The following ABCA13 variants were observed in gnomAD, a reference collection of about 807,000 sequenced individuals.
ABCA13 encodes the protein ATP binding cassette subfamily A member 13, also known as ATP-binding cassette sub-family A member 13.
Under a neutral mutation model 478.7 loss-of-function variants are expected in ABCA13, and 476 were observed. The ratio of observed to expected loss-of-function variants is 0.99; its 90% confidence interval spans 0.92 to 1.07. ABCA13 has a LOEUF of 1.07. Ranked by LOEUF, ABCA13 falls within the 50% of genes least tolerant of loss-of-function variation. The pLI, the probability that ABCA13 is intolerant of heterozygous loss-of-function variation, is 0.00. For synonymous variants in ABCA13, 2,252 were observed against 2,158.9 expected, an observed-to-expected ratio of 1.04 and a Z score of -1.20; for missense variants, 6,060 against 5,910.6, an observed-to-expected ratio of 1.03 and a Z score of -0.83.
chr7:48,578,216 C>T (rs929485003), intron 55 of ABCA13, among the ~76,000 whole-genome samples: 6 of 152,026 alleles, frequency 3.9e-5, no homozygotes, highest in Non-Finnish European at 7.4e-5. Context: ...AGCAGTCCTA[C>T]GTAATGCAAT....
At chr7:48,179,631 G>C (rs1795380666) in intron 1 of ABCA13, among the ~76,000 whole-genome samples, 1 of 152,196 alleles carries the variant, frequency 6.6e-6, no homozygotes, top group Admixed American at 6.5e-5. Flanking sequence ...GAGGGAAGCA[G>C]CCAGGAGGCA....
intron 56 of ABCA13, among the ~76,000 whole-genome samples, chr7:48,583,447 C>A (rs1237683923): frequency 6.6e-6 from 1 of 152,124 alleles, no homozygotes; most frequent in Non-Finnish European, 1.5e-5. Context: ...AACACTTTGG[C>A]TTTGGAGTCT....
intron 35 of ABCA13, among the ~76,000 whole-genome samples, chr7:48,378,919 C>T (rs751025438): frequency 6.6e-6 from 1 of 152,208 alleles, no homozygotes; most frequent in Non-Finnish European, 1.5e-5. Flanking sequence ...AGTAGGACCT[C>T]AATCCACCTT....
At chr7:48,548,174 A>C (rs895389323) in intron 55 of ABCA13, among the ~76,000 whole-genome samples, 3 of 151,894 alleles carry the variant, frequency 2.0e-5, no homozygotes, top group African/African-American at 7.2e-5. Flanking sequence ...GTTAGTTTTC[A>C]CTGGAAAATA....
intron 50 of ABCA13, among the ~76,000 whole-genome samples, 157 bp downstream of exon 50, chr7:48,508,206 T>G (rs983229495): frequency 1.3e-5 from 2 of 152,164 alleles, no homozygotes; most frequent in African/African-American, 4.8e-5. Flanking sequence ...TTAAGTCACC[T>G]TTACTGATCA....
intron 34 of ABCA13, among the ~76,000 whole-genome samples, chr7:48,375,132 T>C (rs1813257263): frequency 6.6e-6 from 1 of 152,220 alleles, no homozygotes; most frequent in Admixed American, 6.5e-5. Context: ...TATTTTATTA[T>C]ATATTACAAT....
intron 52 of ABCA13, 76 bp downstream of exon 52, chr7:48,516,957 G>C (rs1434849881): frequency 3.4e-6 from 5 of 1,470,560 alleles, no homozygotes; most frequent in African/African-American, 1.4e-5. Context: ...TGCCTCTTTT[G>C]TTGCTTTTCT....
At chr7:48,432,588 G>T (rs56745635) in intron 42 of ABCA13, among the ~76,000 whole-genome samples, 12,067 of 152,038 alleles carry the variant, frequency 0.079, 704 homozygotes, top group African/African-American at 0.16. Context: ...ATCAACAGAT[G>T]AATGGATAAA....
At chr7:48,342,195 G>A (rs777696097) in intron 29 of ABCA13, among the ~76,000 whole-genome samples, 2 of 151,592 alleles carry the variant, frequency 1.3e-5, no homozygotes, top group Non-Finnish European at 2.9e-5. Flanking sequence ...AATGTACTTC[G>A]CTAATACGAT....
At chr7:48,224,078 T>C (rs1351293184) in intron 5 of ABCA13, among the ~76,000 whole-genome samples, 1 of 152,010 alleles carries the variant, frequency 6.6e-6, no homozygotes, top group Non-Finnish European at 1.5e-5. Flanking sequence ...TGGAAGCTGC[T>C]GGGCATTGCA....
Position 48,275,268 on chromosome 7 carries a change from G to A in ABCA13, c.5602G>A (p.Gly1868Ser). Residue 1868 changes from glycine (G) to serine (S), a missense_variant, in exon 17 of 62, where the codon GGT becomes AGT. Coordinates refer to ENST00000435803, the MANE Select transcript of ABCA13 (RefSeq NM_152701.5). ...ILDHFHLSPQGEDSPCSNESS... is the reference protein window; with the variant it reads ...ILDHFHLSPQSEDSPCSNESS... ...TGATCATTTCCACCTGTCTCCCCAA[G>A]GTGAAGATTCACCATGTTCAAATGA... 1.9e-6 allele frequency: 3 copies of A among 1,613,776 alleles called. No individual in the cohort carries two copies. The highest frequency in any genetic ancestry group is 2.5e-6 in the Non-Finnish European group (3 of 1,179,844).
rs752511939 is a variant in ABCA13, at chr7:48,412,574, C to T, written c.12450C>T (p.Thr4150=). Reference sequence around the variant, plus strand: ...CGGGCTATGGGATCTCAGACACCACCTTAGAAGAGGTACTGAGAAAACTGA... The same window carrying T: ...CGGGCTATGGGATCTCAGACACCACTTTAGAAGAGGTACTGAGAAAACTGA... ...HLTGYGISDT[T]LEEVFLMLLQ... is the part of the protein sequence containing the mutation. The change falls in exon 41 of 62, where the codon ACC becomes ACT. Residue 4150 remains threonine (T), a synonymous_variant. Coordinates refer to ENST00000435803, the MANE Select transcript of ABCA13 (RefSeq NM_152701.5). 6.2e-7 allele frequency: 1 copy of T among 1,603,882 alleles called. No individual in the cohort carries two copies. The highest frequency in any genetic ancestry group is 8.5e-7 in the Non-Finnish European group (1 of 1,175,030).
At chr7:48,564,650 G>A (rs746261300) in intron 55 of ABCA13, among the ~76,000 whole-genome samples, 3 of 151,380 alleles carry the variant, frequency 2.0e-5, no homozygotes, top group Admixed American at 6.6e-5. Context: ...TAAAGTTTTG[G>A]TATTTCTTTA....
intron 47 of ABCA13, among the ~76,000 whole-genome samples, chr7:48,485,445 G>GAGAAAA (rs1268924996): frequency 2.0e-5 from 3 of 151,728 alleles, no homozygotes; most frequent in Non-Finnish European, 4.4e-5. Flanking sequence ...CCATTCTTGG[G>GAGAAAA]AGAAAAAGAA....
intron 1 of ABCA13, among the ~76,000 whole-genome samples, chr7:48,187,017 G>A (rs919815334): frequency 1.5e-5 from 2 of 135,354 alleles, no homozygotes; most frequent in African/African-American, 5.3e-5. Context: ...ATATGTGTGT[G>A]TGTATATATA....
intron 3 of ABCA13, 39 bp from the exon 4 acceptor site, chr7:48,219,315 G>T: frequency 1.3e-6 from 2 of 1,562,780 alleles, no homozygotes; most frequent in Non-Finnish European, 1.7e-6. Context: ...ACTTATTCTT[G>T]TTAAAGAGTT....
At chr7:48,632,684 A>G (rs887207441) in intron 59 of ABCA13, among the ~76,000 whole-genome samples, 4 of 152,198 alleles carry the variant, frequency 2.6e-5, no homozygotes, top group African/African-American at 9.7e-5. Context: ...AATAGAATTA[A>G]GAGTCCAGGA....
intron 55 of ABCA13, among the ~76,000 whole-genome samples, chr7:48,568,319 G>C (rs547199791): frequency 1.6e-4 from 25 of 151,938 alleles, no homozygotes; most frequent in Middle Eastern, 6.8e-3. Context: ...ATCATAAAAG[G>C]GTATTGAATT....
At chr7:48,291,070 C>T (rs1798468098) in intron 20 of ABCA13, among the ~76,000 whole-genome samples, 1 of 151,332 alleles carries the variant, frequency 6.6e-6, no homozygotes, top group Non-Finnish European at 1.5e-5. Flanking sequence ...ACCTAGACAT[C>T]TCTCTGCCTT....
Sources: gnomAD v4.1 joint callset for allele counts (sites outside exome capture counted in the v4.1 genomes callset) on GRCh38, gnomAD v4.1.1 for gene constraint, MANE v1.5 for transcripts, NCBI Gene and HGNC (gene_info 2026-07-23, HGNC 2026-07-21) for gene names.